Variants in SSBP2 observed in about 807,000 individuals in gnomAD.
SSBP2 encodes the protein single-stranded DNA-binding protein 2.
In SSBP2, 17 loss-of-function variants were observed where a neutral mutation model predicts 61.8. The ratio of observed to expected loss-of-function variants is 0.28; its 90% CI spans 0.19 to 0.41. The LOEUF is 0.41. Ranked by LOEUF, SSBP2 falls within the 10% of genes least tolerant of loss-of-function variation. The pLI is 1.00. For synonymous variants in SSBP2, 139 were observed against 141.3 expected (o/e 0.98, Z 0.12); for missense variants, 310 against 458.7 (o/e 0.68, Z 2.96).
intron 4 of SSBP2, among the ~76,000 whole-genome samples, chr5:81,613,958 T>C (rs1274327681): frequency 6.6e-6 from 1 of 152,236 alleles, no homozygotes; most frequent in African/African-American, 2.4e-5. Flanking sequence ...TTCACTCAGA[T>C]TGTTCCCCAA....
At position 81,513,601 on chromosome 5, in the gene SSBP2, A is replaced by G. The variant is rs768978497; in HGVS notation, c.372+27T>C. ...CAAACAGGAGTTCCTATGCTTTAAC[A>G]TTCCTAGTCAGAGTTTCTCTGAGTA... On this transcript the variant is annotated intron_variant, in intron 5 of 16. Transcript: ENST00000320672. The G allele has an allele frequency of 4.3e-6, 6 of 1,389,190 alleles. No individual in the cohort carries two copies. The African/African-American group carries it at 5.7e-5, about 13-fold the overall frequency. 86.1% of individuals were successfully genotyped at this position (1,389,190 alleles called of 1,614,324 possible). A position where few individuals can be genotyped will look rare whatever the true frequency, so the allele number is the denominator to read the frequency against.
At chr5:81,659,114 G>A (rs1750471902) in intron 1 of SSBP2, among the ~76,000 whole-genome samples, 2 of 152,170 alleles carry the variant, frequency 1.3e-5, no homozygotes, top group East Asian at 1.9e-4. Flanking sequence ...ACAAGACAAG[G>A]ATGCCCTCTC....
At chr5:81,610,931 T>C (rs572519153) in intron 4 of SSBP2, among the ~76,000 whole-genome samples, 2 of 151,810 alleles carry the variant, frequency 1.3e-5, no homozygotes, top group Admixed American at 1.3e-4. Flanking sequence ...GAGGCGGAGG[T>C]TGTGGTGAGC....
chr5:81,421,552 G>A (rs769408849), intron 16 of SSBP2, among the ~76,000 whole-genome samples: 1 of 152,112 alleles, frequency 6.6e-6, no homozygotes, highest in Non-Finnish European at 1.5e-5. Context: ...ATTGTTACAT[G>A]CGGACTTGTC....
At chr5:81,691,921 C>T (rs1174251622) in intron 1 of SSBP2, among the ~76,000 whole-genome samples, 1 of 152,068 alleles carries the variant, frequency 6.6e-6, no homozygotes, top group Non-Finnish European at 1.5e-5. Flanking sequence ...GCAAATCAAT[C>T]AATGTGCCTT....
chr5:81,634,113 C>T (rs1747980379), intron 3 of SSBP2, among the ~76,000 whole-genome samples: 1 of 152,140 alleles, frequency 6.6e-6, no homozygotes, highest in Admixed American at 6.5e-5. Flanking sequence ...GTGGGACTTG[C>T]CTCATTATAT....
rs193197992 is a variant in SSBP2, at chr5:81,583,370, T to C, written c.282+32103A>G. On this transcript the variant is annotated intron_variant, in intron 4 of 16. Transcript: ENST00000320672. ...TGAGGCTGGGCGCAGTGGCTCACGCTTGTAATCCCAGCACTTTGGGAGGCC... is the reference window on the plus strand; with the variant it reads ...TGAGGCTGGGCGCAGTGGCTCACGCCTGTAATCCCAGCACTTTGGGAGGCC... Among the ~76,000 whole-genome samples the C allele has an allele frequency of 5.1e-3, 765 of 151,114 alleles. 2 individuals carry two copies. The highest frequency in any genetic ancestry group is 9.1e-3 in the African/African-American group (376 of 41,170).
chr5:81,494,562 T>C (rs1767147989), intron 5 of SSBP2, among the ~76,000 whole-genome samples: 1 of 152,222 alleles, frequency 6.6e-6, no homozygotes, highest in Non-Finnish European at 1.5e-5. Flanking sequence ...TCTTTCCTTC[T>C]GCCATGTGAG....
chr5:81,580,558 T>G (rs2153473051), intron 4 of SSBP2, among the ~76,000 whole-genome samples: 1 of 152,258 alleles, frequency 6.6e-6, no homozygotes, highest in Middle Eastern at 3.4e-3. Context: ...GTTTTATTGC[T>G]TTTATCTGCC....
intron 1 of SSBP2, among the ~76,000 whole-genome samples, chr5:81,669,143 T>A (rs1472760749): frequency 6.6e-6 from 1 of 152,112 alleles, no homozygotes; most frequent in Non-Finnish European, 1.5e-5. Flanking sequence ...GTATATAGAA[T>A]AAAACTTTGC....
chr5:81,537,112 A>G (rs200107872), intron 4 of SSBP2, among the ~76,000 whole-genome samples: 1 of 152,190 alleles, frequency 6.6e-6, no homozygotes, highest in Non-Finnish European at 1.5e-5. Flanking sequence ...ACTTTCTCCA[A>G]AAAAGTGAGG....
chr5:81,674,633 T>C (rs150613560), intron 1 of SSBP2, among the ~76,000 whole-genome samples: 1 of 152,222 alleles, frequency 6.6e-6, no homozygotes, highest in African/African-American at 2.4e-5. Flanking sequence ...TGTTAGCTTT[T>C]CAAAGAGCAG....
chr5:81,707,275 A>T (rs1354756522), intron 1 of SSBP2, among the ~76,000 whole-genome samples: 1 of 152,066 alleles, frequency 6.6e-6, no homozygotes, highest in Non-Finnish European at 1.5e-5. Context: ...GATATGTTAG[A>T]GTCCTAGCCC....
At chr5:81,429,789 C>A (rs1041523212) in intron 15 of SSBP2, among the ~76,000 whole-genome samples, 1 of 151,900 alleles carries the variant, frequency 6.6e-6, no homozygotes, top group Non-Finnish European at 1.5e-5. Flanking sequence ...GAGTTATTCC[C>A]AGAAGAAAAT....
At chr5:81,470,716 A>G (rs1219439578) in intron 8 of SSBP2, among the ~76,000 whole-genome samples, 2 of 151,946 alleles carry the variant, frequency 1.3e-5, no homozygotes, top group Non-Finnish European at 2.9e-5. Context: ...TCTAGAGACA[A>G]TATTTCAGAC....
At chr5:81,718,099 T>A (rs967063190) in intron 1 of SSBP2, among the ~76,000 whole-genome samples, 1 of 152,154 alleles carries the variant, frequency 6.6e-6, no homozygotes, top group Non-Finnish European at 1.5e-5. Context: ...ATCATAGACC[T>A]TAATACCCAC....
chr5:81,468,396 G>A (rs906797940), intron 8 of SSBP2, among the ~76,000 whole-genome samples: 1 of 151,824 alleles, frequency 6.6e-6, no homozygotes, highest in African/African-American at 2.4e-5. Context: ...ACTGCCTCAG[G>A]AGCTATCCTT....
At chr5:81,421,280 CT>C (rs1219497823) in intron 16 of SSBP2, among the ~76,000 whole-genome samples, 25 of 152,210 alleles carry the variant, frequency 1.6e-4, no homozygotes, top group Non-Finnish European at 3.5e-4. Context: ...CAACCCTGAC[CT>C]TCCTGGGCTC....
intron 6 of SSBP2, among the ~76,000 whole-genome samples, chr5:81,488,055 AT>A (rs1271556805): frequency 2.0e-4 from 12 of 61,406 alleles, no homozygotes; most frequent in Admixed American, 5.0e-4. Context: ...ATATATATAT[AT>A]ATAAATAAAA....
Sources: allele counts gnomAD v4.1 joint callset (sites outside exome capture counted in the v4.1 genomes callset), GRCh38; gene constraint gnomAD v4.1.1; transcripts MANE v1.5; gene names NCBI Gene and HGNC (gene_info 2026-07-23, HGNC 2026-07-21).